ST7: variants seen among roughly 807,000 people sequenced by gnomAD.
ST7 encodes suppressor of tumorigenicity 7 protein.
A neutral mutation model predicts 78.7 loss-of-function variants in ST7; 28 were observed. The ratio of observed to expected loss-of-function variants is 0.36; its 90% CI spans 0.26 to 0.49. The LOEUF (loss-of-function observed/expected upper bound fraction) is 0.49. Ranked by LOEUF, ST7 falls within the 20% of genes least tolerant of loss-of-function variation. ST7 has a pLI of 0.99. For missense variants in ST7, 418 were observed against 696.0 expected, an observed-to-expected ratio of 0.60 and a Z score of 4.49; for synonymous variants, 247 against 249.6, an observed-to-expected ratio of 0.99 and a Z score of 0.10.
At chr7:117,078,988 A>C (rs956092564) in intron 1 of ST7, among the ~76,000 whole-genome samples, 1 of 152,200 alleles carries the variant, frequency 6.6e-6, no homozygotes, top group Non-Finnish European at 1.5e-5. Context: ...ATTCATATGT[A>C]GTCACAAATG....
intron 9 of ST7, chr7:117,144,326 G>A (rs1805568885): frequency 6.6e-6 from 1 of 151,892 alleles, no homozygotes; most frequent in African/African-American, 2.4e-5. Context: ...TTGATCTAAG[G>A]ACTCCCCGAA....
intron 3 of ST7, among the ~76,000 whole-genome samples, chr7:117,127,461 G>A (rs1472670231): frequency 1.3e-5 from 2 of 151,910 alleles, no homozygotes; most frequent in African/African-American, 4.8e-5. Flanking sequence ...ACTTTGACAT[G>A]TGCTCATGTG....
chr7:117,182,660 C>T (rs1808869707), intron 10 of ST7: 1 of 152,104 alleles, frequency 6.6e-6, no homozygotes, highest in Non-Finnish European at 1.5e-5. Context: ...CCCAGCTGCT[C>T]AACACCAGGG....
intron 13 of ST7, among the ~76,000 whole-genome samples, chr7:117,210,738 G>A (rs148116616): frequency 1.1e-4 from 17 of 152,252 alleles, no homozygotes; most frequent in African/African-American, 4.1e-4. Flanking sequence ...GTGAAGAAAT[G>A]GTAAGTGGTG....
At chr7:117,022,433 TATAATA>T (rs925377715) in intron 1 of ST7, among the ~76,000 whole-genome samples, 2 of 151,990 alleles carry the variant, frequency 1.3e-5, no homozygotes, top group Non-Finnish European at 2.9e-5. Context: ...GAACTTAAAG[TATAATA>T]ATAATAATAA....
At chr7:117,087,642 GCT>G (rs1368704404) in intron 1 of ST7, among the ~76,000 whole-genome samples, 1 of 152,156 alleles carries the variant, frequency 6.6e-6, no homozygotes, top group African/African-American at 2.4e-5. Flanking sequence ...AATGATAAAT[GCT>G]CTCCTCTTTA....
At chr7:117,105,463 G>A (rs1278135500) in intron 2 of ST7, among the ~76,000 whole-genome samples, 1 of 152,164 alleles carries the variant, frequency 6.6e-6, no homozygotes, top group Non-Finnish European at 1.5e-5. Flanking sequence ...AAAATTGTTT[G>A]TAGAGATGGA....
At chr7:116,988,994 T>C in intron 1 of ST7, among the ~76,000 whole-genome samples, 1 of 152,182 alleles carries the variant, frequency 6.6e-6, no homozygotes, top group East Asian at 1.9e-4. Context: ...TGATCTAGCA[T>C]AGAGGTATCC....
chr7:117,133,569 CT>C (rs1445124048), intron 6 of ST7, among the ~76,000 whole-genome samples: 11 of 147,520 alleles, frequency 7.5e-5, no homozygotes, highest in Admixed American at 6.8e-5. Flanking sequence ...TGTTGTTTGT[CT>C]TTTTTTTTTA....
At chr7:116,976,631 G>A (rs984240453) in intron 1 of ST7, among the ~76,000 whole-genome samples, 3 of 152,218 alleles carry the variant, frequency 2.0e-5, no homozygotes, top group Middle Eastern at 3.2e-3. Flanking sequence ...CTTGTCACAA[G>A]GCCAAGCCCA....
chr7:117,198,263 G>C, intron 12 of ST7: 2 of 452,520 alleles, frequency 4.4e-6, no homozygotes, highest in South Asian at 3.2e-5. Flanking sequence ...CTCAGTACAT[G>C]TTGGCCCCTT....
At chr7:117,098,990 C>T (rs1052393639) in intron 1 of ST7, among the ~76,000 whole-genome samples, 36 of 135,518 alleles carry the variant, frequency 2.7e-4, no homozygotes, top group Non-Finnish European at 4.6e-4. Flanking sequence ...CTGGGCTACT[C>T]TGCCTATGGA....
intron 1 of ST7, among the ~76,000 whole-genome samples, chr7:117,042,047 T>A (rs17139275): frequency 0.037 from 5,562 of 152,296 alleles, 351 homozygotes; most frequent in African/African-American, 0.12. Flanking sequence ...TGGATGACCT[T>A]ACATAACCTT....
Position 117,190,978 on chromosome 7 carries a change from G to C in ST7, c.1254+42G>C, listed in dbSNP as rs1213571781. The C allele has an allele frequency of 1.3e-6, 2 of 1,492,478 alleles. No homozygotes were observed. The highest frequency in any genetic ancestry group is 2.3e-5 in the East Asian group (1 of 44,280). 92.5% of individuals were successfully genotyped at this position (1,492,478 alleles called of 1,614,324 possible). On this transcript the variant is annotated intron_variant, in intron 12 of 15. Coordinates refer to ENST00000323984, the MANE Select transcript of ST7 (RefSeq NM_001369598.1). This position sits in a 1 kb window ranked among gnomAD's most constrained non-coding sequence, Gnocchi z 5.2. ...CCCACAGGAACTCGTTATGATAGCA[G>C]AGAAAGCATTCATTGACCACAGTGT...
chr7:117,012,653 A>G (rs557132200), intron 1 of ST7, among the ~76,000 whole-genome samples: 1 of 152,268 alleles, frequency 6.6e-6, no homozygotes, highest in Admixed American at 6.5e-5. Flanking sequence ...CTATCTAGTA[A>G]GTAAGTAAAC....
intron 1 of ST7, among the ~76,000 whole-genome samples, chr7:117,010,956 G>C (rs748279641): frequency 7.9e-5 from 12 of 152,132 alleles, no homozygotes; most frequent in Non-Finnish European, 1.3e-4. Context: ...CCCCTGAGCT[G>C]TCCTCTATGA....
chr7:117,102,728 G>A (rs964520184), intron 2 of ST7, among the ~76,000 whole-genome samples: 2 of 151,940 alleles, frequency 1.3e-5, no homozygotes, highest in Admixed American at 1.3e-4. Context: ...TAATGAAAAG[G>A]GGAGATCAGT....
intron 2 of ST7, among the ~76,000 whole-genome samples, chr7:117,102,833 C>T (rs1379014766): frequency 6.6e-6 from 1 of 151,888 alleles, no homozygotes; most frequent in Non-Finnish European, 1.5e-5. Context: ...TTTAGAAAAA[C>T]CTAAAGACTC....
rs777819624 is a variant in ST7, at chr7:116,953,628, A to G, written c.88A>G (p.Ile30Val). The G allele has an allele frequency of 6.6e-7, 1 of 1,512,706 alleles. No homozygotes were observed. Among genetic ancestry groups the G allele is most frequent in the East Asian group, 2.7e-5 (1 of 36,720 alleles). The allele number at this position is 1,512,706 out of a possible 1,614,324, so 93.7% of individuals were successfully genotyped here. Reference sequence around the variant, plus strand: ...GTATCTGTGGACCGTGTGGTTCTTCATCGTGCTATTCCTGGTCTACATCCT... The same window carrying G: ...GTATCTGTGGACCGTGTGGTTCTTCGTCGTGCTATTCCTGGTCTACATCCT... The part of the protein sequence containing the change: ...WTYLWTVWFF[I>V]VLFLVYILRV... The change falls in exon 1 of 16, where the codon ATC (isoleucine) becomes GTC (valine). Residue 30 changes from isoleucine (I) to valine (V), a missense_variant. Transcript: ENST00000323984.
Sources: gnomAD v4.1 joint callset for allele counts (sites outside exome capture counted in the v4.1 genomes callset) on GRCh38, gnomAD v4.1.1 for gene constraint, Gnocchi (gnomAD v3.1) non-coding constraint, MANE v1.5 for transcripts, NCBI Gene and HGNC (gene_info 2026-07-23, HGNC 2026-07-21) for gene names.